ACSL6: variants seen among roughly 807,000 people sequenced by gnomAD.
ACSL6 encodes long-chain-fatty-acid--CoA ligase 6.
ACSL6 carries 47 observed loss-of-function variants against 98.2 expected under a neutral mutation model. The observed-to-expected ratio is 0.48, with a 90% CI of 0.38 to 0.61. The LOEUF is 0.61. Ranked by LOEUF, ACSL6 falls within the 20% of genes least tolerant of loss-of-function variation. The probability of loss-of-function intolerance (pLI) is 0.00; values close to 1 mark genes in which losing one functional copy is unlikely to be tolerated. For missense variants in ACSL6, 761 were observed against 913.4 expected, an observed-to-expected ratio of 0.83 and a Z score of 2.15; for synonymous variants, 362 against 336.9, an observed-to-expected ratio of 1.07 and a Z score of -0.82.
chr5:131,988,187 G>A lies in ACSL6; in HGVS notation c.692C>T (p.Ala231Val), dbSNP rs1353856542. 6.2e-7 allele frequency: 1 copy of A among 1,614,096 alleles called. No homozygotes were observed. Among genetic ancestry groups the A allele is most frequent in the Non-Finnish European group, 8.5e-7 (1 of 1,180,052 alleles). The change falls in exon 7 of 21, where the codon GCT becomes GTT. Residue 231 changes from alanine to valine, a missense_variant. By Grantham distance (64) the Ala-to-Val change is moderately conservative. Transcript: ENST00000651883. ...CTCCACATGCTCTAGCAGAAGCACA[G>A]CCTTCTGAGGTTTGTCCACAATCAC... ...STVIVDKPQKAVLLLEHVERK... is the reference protein window; with the variant it reads ...STVIVDKPQKVVLLLEHVERK...
rs17211900 is a variant in ACSL6 at position 131,974,984 on chromosome 5, G to T, written c.991-14C>A. 0.019 allele frequency: 30,382 copies of T among 1,612,618 alleles called. 375 individuals carry two copies. Among genetic ancestry groups the T allele is most frequent in the Non-Finnish European group, 0.022 (25,642 of 1,179,234 alleles). ...AAAGATCACTTTCTGCAGGCGACGG[G>T]CATGGGAGACAGAAAGGAAAGAAAC... On this transcript the variant is annotated splice_polypyrimidine_tract_variant and intron_variant, in intron 10 of 20. Coordinates refer to ENST00000651883, the MANE Select transcript of ACSL6 (RefSeq NM_001009185.3).
intron 2 of ACSL6, among the ~76,000 whole-genome samples, chr5:131,992,764 C>T (rs1428660073): frequency 6.6e-6 from 1 of 152,214 alleles, no homozygotes; most frequent in East Asian, 1.9e-4. Context: ...ACGCTGTTCC[C>T]TCTGCTGGTC....
At chr5:132,003,480 T>A (rs544322925) in intron 1 of ACSL6, 1 of 152,224 alleles carries the variant, frequency 6.6e-6, no homozygotes, top group Non-Finnish European at 1.5e-5. Flanking sequence ...ATGGGAAATA[T>A]GCAAATGGCC....
rs956916977 is a variant in ACSL6, at chr5:131,954,177, G to T, written c.*57C>A. 1 of 1,477,634 alleles carries T rather than the reference G, an allele frequency of 6.8e-7. No individual in the cohort carries two copies. Among genetic ancestry groups the T allele is most frequent in the Non-Finnish European group, 9.0e-7 (1 of 1,115,698 alleles). 91.5% of individuals were successfully genotyped at this position (1,477,634 alleles called of 1,614,324 possible). The stretch of plus-strand genomic sequence containing the variant: ...TGTCATTTTGACTCATTACTTTCAA[G>T]AATAACTATAATATTGCTAGACAGT... On this transcript the variant is annotated 3_prime_UTR_variant, in exon 21 of 21. Transcript: ENST00000651883.
Position 131,976,032 on chromosome 5 carries a change from C to G in ACSL6, c.990+616G>C. On this transcript the variant is annotated intron_variant, in intron 10 of 20. Coordinates refer to ENST00000651883, the MANE Select transcript of ACSL6 (RefSeq NM_001009185.3). ...TCTCCACAGTGAAGAAAAAGCCAAA[C>G]TTTTTTGAAAAGATACACTCCTTTA... is the stretch of plus-strand genomic sequence containing the variant. The G allele has an allele frequency of 4.1e-6, 4 of 985,438 alleles. 1 individual carries two copies. In the South Asian group the frequency reaches 1.9e-4, roughly 46 times the overall value. 61.0% of individuals were successfully genotyped at this position (985,438 alleles called of 1,614,324 possible). A position where few individuals can be genotyped will look rare whatever the true frequency, so the allele number is the denominator to read the frequency against.
chr5:132,009,867 C>A (rs1755616608), intron 1 of ACSL6, among the ~76,000 whole-genome samples: 1 of 152,146 alleles, frequency 6.6e-6, no homozygotes, highest in Non-Finnish European at 1.5e-5. Context: ...GGTCTTGCAG[C>A]CCCTAGACAC....
At chr5:131,976,784 T>G (rs757354713) in intron 9 of ACSL6, 63 bp from the exon 10 acceptor site, 34 of 1,436,850 alleles carry the variant, frequency 2.4e-5, no homozygotes, top group Admixed American at 3.4e-5. Flanking sequence ...TTGAGAGCAG[T>G]GCCCAAGTTG....
Position 131,990,846 on chromosome 5 carries a change from T to G in ACSL6, c.385+7A>C. ...CCCTCCACACCCCCCCCCACAACCC[T>G]TCTCACCTGAGATGCTAAGCCCACG... is the stretch of plus-strand genomic sequence containing the variant. On this transcript the variant is annotated splice_region_variant and intron_variant, in intron 3 of 20. Transcript: ENST00000651883. 11 of 1,582,046 alleles carry G rather than the reference T, an allele frequency of 7.0e-6. No homozygotes were observed. The highest frequency in any genetic ancestry group is 1.4e-5 in the African/African-American group (1 of 73,480).
chr5:132,010,780 T>G (rs188634648), intron 1 of ACSL6, among the ~76,000 whole-genome samples: 2 of 152,126 alleles, frequency 1.3e-5, no homozygotes, highest in Non-Finnish European at 2.9e-5. Context: ...GTGGTAGAAC[T>G]GGCAGATAAA....
At chr5:131,969,036 G>A (rs1050509524) in intron 15 of ACSL6, among the ~76,000 whole-genome samples, 5 of 152,208 alleles carry the variant, frequency 3.3e-5, no homozygotes, top group Admixed American at 2.6e-4. Context: ...GGAAGAATCT[G>A]CTCTACATCT....
chr5:131,953,152 G>A lies in ACSL6; in HGVS notation c.*1082C>T, dbSNP rs1256578370. 5.1e-6 allele frequency: 1 copy of A among 195,548 alleles called. No homozygotes were observed. Among genetic ancestry groups the A allele is most frequent in the Non-Finnish European group, 1.1e-5 (1 of 94,400 alleles). 12.1% of individuals were successfully genotyped at this position (195,548 alleles called of 1,614,324 possible). A position where few individuals can be genotyped will look rare whatever the true frequency, so the allele number is the denominator to read the frequency against. ...TTGTAGAGTCAACAGATGTCTTTTA[G>A]AATTCATTATAATAAGAAGTCCATG... On this transcript the variant is annotated 3_prime_UTR_variant, in exon 21 of 21. Transcript: ENST00000651883.
In ACSL6 at chr5:131,962,698, G is replaced by A. The variant is rs760657135; in HGVS notation, c.1714-20C>T. 6.2e-7 allele frequency: 1 copy of A among 1,612,990 alleles called. No individual in the cohort carries two copies. Among genetic ancestry groups the A allele is most frequent in the Non-Finnish European group, 8.5e-7 (1 of 1,179,384 alleles). ...TCCTGCCTGTAGAGTTGGACAAACA[G>A]CTTTATAAGAACATGGCACTCTCAA... On this transcript the variant is annotated intron_variant, in intron 17 of 20. Transcript: ENST00000651883.
At chr5:131,997,550 A>G (rs952204855) in intron 1 of ACSL6, among the ~76,000 whole-genome samples, 4 of 152,212 alleles carry the variant, frequency 2.6e-5, no homozygotes. Context: ...CAGAGCCTGT[A>G]TGAGGGGACC....
chr5:131,959,986 T>A (rs897252728), intron 19 of ACSL6, among the ~76,000 whole-genome samples: 1 of 152,074 alleles, frequency 6.6e-6, no homozygotes, highest in African/African-American at 2.4e-5. Context: ...CTACACTGAG[T>A]CACAGCATGG....
At chr5:131,987,426 T>C (rs1580673254) in intron 7 of ACSL6, among the ~76,000 whole-genome samples, 1 of 151,916 alleles carries the variant, frequency 6.6e-6, no homozygotes, top group East Asian at 1.9e-4. Flanking sequence ...AGGGGTACAA[T>C]GCATAGGCAT....
chr5:132,000,175 A>T (rs1174263643), intron 1 of ACSL6, among the ~76,000 whole-genome samples: 2 of 151,966 alleles, frequency 1.3e-5, no homozygotes, highest in Non-Finnish European at 2.9e-5. Flanking sequence ...ACTTGGGAAG[A>T]GGAAAGAAAT....
intron 9 of ACSL6, among the ~76,000 whole-genome samples, chr5:131,978,436 G>C (rs1162662646): frequency 2.6e-5 from 4 of 152,144 alleles, no homozygotes; most frequent in African/African-American, 9.7e-5. Flanking sequence ...TTCAAACCTG[G>C]TAGGAGAGGG....
In ACSL6 at chr5:131,990,004, C is replaced by G. The variant is rs1754419124; in HGVS notation, c.450+96G>C. The G allele has an allele frequency of 2.3e-6, 3 of 1,322,318 alleles. No individual in the cohort carries two copies. In the Admixed American group the frequency reaches 6.1e-5, roughly 27 times the overall value. The allele number at this position is 1,322,318 out of a possible 1,614,324, so 81.9% of individuals were successfully genotyped here. A position where few individuals can be genotyped will look rare whatever the true frequency, so the allele number is the denominator to read the frequency against. The stretch of plus-strand genomic sequence containing the variant: ...AGACAGGCCAGGGAAATAAATGACC[C>G]TCTGAGACCCAGCAGGTGCCCACAT... On this transcript the variant is annotated intron_variant, in intron 4 of 20. Coordinates refer to ENST00000651883, the MANE Select transcript of ACSL6 (RefSeq NM_001009185.3).
intron 20 of ACSL6, among the ~76,000 whole-genome samples, chr5:131,956,181 C>T (rs941398418): frequency 2.6e-5 from 4 of 151,648 alleles, no homozygotes; most frequent in African/African-American, 9.7e-5. Context: ...CAAGCAGAAA[C>T]TACTAAAAAA....
Sources: gnomAD v4.1 joint callset for allele counts (sites outside exome capture counted in the v4.1 genomes callset) on GRCh38, gnomAD v4.1.1 for gene constraint, MANE v1.5 for transcripts, NCBI Gene and HGNC (gene_info 2026-07-23, HGNC 2026-07-21) for gene names.